The following METTL15 variants were observed in gnomAD, a reference collection of about 807,000 sequenced individuals.
METTL15 encodes the protein 12S rRNA N(4)-cytidine methyltransferase METTL15.
METTL15 carries 34 observed loss-of-function variants against 38.3 expected under a neutral mutation model. The observed-to-expected ratio is 0.89, with a 90% CI of 0.68 to 1.18. The LOEUF (loss-of-function observed/expected upper bound fraction) is 1.18. Ranked by LOEUF, METTL15 falls within the 50% of genes most tolerant of loss-of-function variation. The pLI, the probability that METTL15 is intolerant of heterozygous loss-of-function variation, is 0.00. For missense variants in METTL15, 438 were observed against 498.4 expected, an observed-to-expected ratio of 0.88 and a Z score of 1.15; for synonymous variants, 162 against 170.9, an observed-to-expected ratio of 0.95 and a Z score of 0.41.
In METTL15 at chr11:28,330,695, C is replaced by G; in HGVS notation, c.1078C>G (p.His360Asp). Residue 360 changes from histidine to aspartate, a missense_variant, in exon 7 of 7, where the codon CAC becomes GAC. Coordinates refer to ENST00000407364, the MANE Select transcript of METTL15 (RefSeq NM_001113528.2). ...VMKTSQLGSD[H>D]ENTEEVSMRR... Reference sequence around the variant, plus strand: ...GAAAACATCTCAATTGGGTTCAGATCACGAAAACACGGAAGAAGTCTCTAT... The same window carrying G: ...GAAAACATCTCAATTGGGTTCAGATGACGAAAACACGGAAGAAGTCTCTAT... 2 of 1,551,458 alleles carry G rather than the reference C, an allele frequency of 1.3e-6. No homozygotes were observed. Among genetic ancestry groups the G allele is most frequent in the Non-Finnish European group, 1.7e-6 (2 of 1,146,800 alleles).
intron 4 of METTL15, among the ~76,000 whole-genome samples, chr11:28,224,509 T>G (rs1853390202): frequency 6.6e-6 from 1 of 151,898 alleles, no homozygotes; most frequent in African/African-American, 2.4e-5. Context: ...GTTGGAATAT[T>G]TCCTTCTAAT....
chr11:28,357,966 A>G (rs1850104125), intron 4 of METTL15, among the ~76,000 whole-genome samples: 2 of 152,108 alleles, frequency 1.3e-5, no homozygotes, highest in Admixed American at 1.3e-4. Context: ...ACACTCATGC[A>G]AATGTTAACA....
chr11:28,328,322 T>C (rs1849703919), intron 6 of METTL15, among the ~76,000 whole-genome samples: 1 of 152,148 alleles, frequency 6.6e-6, no homozygotes, highest in African/African-American at 2.4e-5. Flanking sequence ...TTTGGTTTAC[T>C]TTAAACCACC....
chr11:28,111,470 C>T (rs1260643519), intron 2 of METTL15, among the ~76,000 whole-genome samples: 1 of 152,114 alleles, frequency 6.6e-6, no homozygotes, highest in African/African-American at 2.4e-5. Context: ...GGAACAGAGC[C>T]AAGCCATTGG....
intron 6 of METTL15, among the ~76,000 whole-genome samples, chr11:28,448,203 T>G (rs1329275297): frequency 6.6e-6 from 1 of 152,208 alleles, no homozygotes; most frequent in Non-Finnish European, 1.5e-5. Context: ...CCTCTTATAC[T>G]CTACCTGTTG....
At chr11:28,401,300 A>T (rs1850628580) in intron 5 of METTL15, among the ~76,000 whole-genome samples, 1 of 151,962 alleles carries the variant, frequency 6.6e-6, no homozygotes, top group South Asian at 2.1e-4. Context: ...GCCTGGGATA[A>T]TCATTTGGAG....
At chr11:28,207,938 G>A (rs1407208681) in intron 3 of METTL15, among the ~76,000 whole-genome samples, 1 of 152,130 alleles carries the variant, frequency 6.6e-6, no homozygotes, top group Non-Finnish European at 1.5e-5. Flanking sequence ...TTGTATTTCT[G>A]TGGGATCTGT....
chr11:28,210,103 C>A (rs1317606815), intron 3 of METTL15, among the ~76,000 whole-genome samples: 1 of 151,894 alleles, frequency 6.6e-6, no homozygotes, highest in Admixed American at 6.6e-5. Context: ...GGTCTGGTTG[C>A]TTGCTCAACT....
At chr11:28,487,056 T>A (rs943625408) in intron 6 of METTL15, among the ~76,000 whole-genome samples, 3 of 152,202 alleles carry the variant, frequency 2.0e-5, no homozygotes, top group Non-Finnish European at 4.4e-5. Flanking sequence ...AGGTTTTTTT[T>A]AAGATGTTCA....
At chr11:28,169,826 AATTCT>A (rs1199523874) in intron 3 of METTL15, among the ~76,000 whole-genome samples, 1 of 152,138 alleles carries the variant, frequency 6.6e-6, no homozygotes, top group Non-Finnish European at 1.5e-5. Context: ...AGATAAGAAT[AATTCT>A]ATTCTCTTAC....
Position 28,401,501 on chromosome 11 carries a change from G to T in METTL15, c.*359-22798G>T, listed in dbSNP as rs113727116. 2.3e-3 allele frequency among the ~76,000 whole-genome samples: 342 copies of T among 151,842 alleles called. 1 individual carries two copies. The highest frequency in any genetic ancestry group is 6.8e-3 in the Middle Eastern group (2 of 294). ...CTCTTTTTATCTCTGTGCTTTTAGT[G>T]AGTAATTGTTTTAATAATTTCTGTC... On this transcript the variant is annotated intron_variant and NMD_transcript_variant, in intron 5 of 7. Transcript: ENST00000532947.
In METTL15 at chr11:28,234,649, G is replaced by T. The variant is rs1377389171; in HGVS notation, c.407+23451G>T. Reference sequence around the variant, plus strand: ...TGTCCTTCACCCACTTTTTGATGGGGTTGTTTGTTTTTTTCTTGTAAATTT... The same window carrying T: ...TGTCCTTCACCCACTTTTTGATGGGTTTGTTTGTTTTTTTCTTGTAAATTT... On this transcript the variant is annotated intron_variant, in intron 4 of 6. Transcript: ENST00000407364. 1.9e-4 allele frequency among the ~76,000 whole-genome samples: 29 copies of T among 149,104 alleles called. No homozygotes were observed. The South Asian group carries it at 2.6e-3, about 13-fold the overall frequency.
At chr11:28,206,755 C>G (rs2133830408) in intron 3 of METTL15, among the ~76,000 whole-genome samples, 1 of 91,580 alleles carries the variant, frequency 1.1e-5, no homozygotes, top group South Asian at 4.6e-4. Flanking sequence ...GAATGTTCTT[C>G]CATTTGTTTG....
chr11:28,164,204 G>GT (rs1161163797), intron 3 of METTL15: 1 of 151,916 alleles, frequency 6.6e-6, no homozygotes, highest in Non-Finnish European at 1.5e-5. Context: ...GCTCACACAC[G>GT]TAACGGCTTA....
intron 6 of METTL15, among the ~76,000 whole-genome samples, chr11:28,475,919 G>C (rs191594856): frequency 4.6e-5 from 7 of 152,144 alleles, no homozygotes; most frequent in African/African-American, 1.7e-4. Flanking sequence ...ACCAGTGACT[G>C]TCCTCTCCTC....
chr11:28,382,497 T>C (rs1477993708), intron 5 of METTL15, among the ~76,000 whole-genome samples: 2 of 152,104 alleles, frequency 1.3e-5, no homozygotes, highest in South Asian at 4.1e-4. Context: ...AAATTTACCA[T>C]GTGCTTGTTC....
chr11:28,455,926 T>C (rs1003430677), intron 6 of METTL15, among the ~76,000 whole-genome samples: 1 of 152,124 alleles, frequency 6.6e-6, no homozygotes, highest in Non-Finnish European at 1.5e-5. Flanking sequence ...CAGGATGGTC[T>C]CAATCTCCTG....
At chr11:28,375,828 A>T (rs1448681417) in intron 5 of METTL15, among the ~76,000 whole-genome samples, 1 of 149,596 alleles carries the variant, frequency 6.7e-6, no homozygotes, top group African/African-American at 2.5e-5. Flanking sequence ...CCCTCTACAC[A>T]CTGCTTTGAA....
chr11:28,375,994 T>A (rs542132958), intron 5 of METTL15, among the ~76,000 whole-genome samples: 1 of 152,362 alleles, frequency 6.6e-6, no homozygotes, highest in South Asian at 2.1e-4. Context: ...AGATTCTTAA[T>A]CCTAAGTTTT....
Sources: gnomAD v4.1 joint callset for allele counts (sites outside exome capture counted in the v4.1 genomes callset) on GRCh38, gnomAD v4.1.1 for gene constraint, MANE v1.5 for transcripts, NCBI Gene and HGNC (gene_info 2026-07-23, HGNC 2026-07-21) for gene names.